Variants in DIS3 observed in about 807,000 individuals in gnomAD.
The protein encoded by DIS3 is DIS3 exosome endoribonuclease and 3'-5' exoribonuclease, also known as exosome complex exonuclease RRP44.
A neutral mutation model predicts 113.0 loss-of-function variants in DIS3; 103 were observed. The observed-to-expected ratio is 0.91, with a 90% CI of 0.78 to 1.07. The LOEUF (loss-of-function observed/expected upper bound fraction) is 1.07, where lower values mean the gene tolerates loss of function less well. DIS3 is among the 50% of genes least tolerant of loss of function. The pLI is 0.00. For missense variants in DIS3, 1,121 were observed against 1,167.1 expected (o/e 0.96, Z 0.58); for synonymous variants, 402 against 394.3 (o/e 1.02, Z -0.23).
chr13:72,753,543 A>G lies in DIS3; in HGVS notation c.*6252T>C, dbSNP rs919956628. 3 of 767,242 alleles carry G rather than the reference A, an allele frequency of 3.9e-6. No homozygotes were observed. Among genetic ancestry groups the G allele is most frequent in the African/African-American group, 3.5e-5 (2 of 56,862 alleles). The allele number at this position is 767,242 out of a possible 1,614,324, so 47.5% of individuals were successfully genotyped here. ...GCAGGACTACCTTTTATATTTGTGCATTACTTTTGAATTTTGTTCAACATG... is the reference window on the plus strand; with the variant it reads ...GCAGGACTACCTTTTATATTTGTGCGTTACTTTTGAATTTTGTTCAACATG... On this transcript the variant is annotated 3_prime_UTR_variant, in exon 21 of 21. Coordinates refer to ENST00000377767, the MANE Select transcript of DIS3 (RefSeq NM_014953.5).
At chr13:72,768,249 G>A (rs547785590) in intron 14 of DIS3, among the ~76,000 whole-genome samples, 1 of 152,182 alleles carries the variant, frequency 6.6e-6, no homozygotes, top group East Asian at 1.9e-4. Context: ...TGCCTTCCTG[G>A]AATTTCTTCA....
intron 6 of DIS3, among the ~76,000 whole-genome samples, chr13:72,774,742 T>A (rs1347020735): frequency 1.3e-5 from 2 of 152,154 alleles, no homozygotes; most frequent in African/African-American, 4.8e-5. Context: ...GCGCATATCA[T>A]AAGAAATAAC....
chr13:72,772,656 T>A (rs773981590), intron 9 of DIS3, 37 bp downstream of exon 9: 1 of 1,572,826 alleles, frequency 6.4e-7, no homozygotes, highest in Non-Finnish European at 8.6e-7. Context: ...CAGGATATAA[T>A]AATTTATAAA....
In DIS3 at chr13:72,770,919, A is replaced by T; in HGVS notation, c.1740T>A (p.Ser580Arg). 1 of 1,603,910 alleles carries T rather than the reference A, an allele frequency of 6.2e-7. No homozygotes were observed. The highest frequency in any genetic ancestry group is 8.5e-7 in the Non-Finnish European group (1 of 1,174,618). Reference protein sequence around the residue: ...AEILKTKFTKSVINSKASLTY... With the variant: ...AEILKTKFTKRVINSKASLTY... ...TGAAACGAACCTTTGAATTAATAAC[A>T]CTTTTGGTAAACTTCGTTTTTAAGA... The change falls in exon 13 of 21, where the codon AGT becomes AGA. Residue 580 changes from serine to arginine, a missense_variant. This residue lies in a region of DIS3 where 861 missense variants were observed against 915.5 expected (regional missense o/e 0.94). Transcript: ENST00000377767.
At chr13:72,761,861 G>T in intron 17 of DIS3, 47 bp from the exon 18 acceptor site, 1 of 1,611,700 alleles carries the variant, frequency 6.2e-7, no homozygotes, top group South Asian at 1.1e-5. Context: ...GTACTAATAT[G>T]TGCTTTTAAA....
chr13:72,780,931 G>T lies in DIS3; in HGVS notation c.301C>A (p.Arg101Ser). The change falls in exon 2 of 21, where the codon CGC (arginine) becomes AGC (serine). Residue 101 changes from arginine (R) to serine (S), a missense_variant. Physicochemically the swap from Arg to Ser is moderately radical, Grantham distance 110. Around this residue, in one of 3 missense-constraint regions of DIS3, gnomAD observed 254 missense variants for 232.2 expected, o/e 1.09. Coordinates refer to ENST00000377767, the MANE Select transcript of DIS3 (RefSeq NM_014953.5). ...LQTVLQEVRN[R>S]SAPVYKRIRD... Reference sequence around the variant, plus strand: ...ATGCGTTTATATACGGGGGCACTGCGATTTCTCACTTCTTGAAGAACTGTT... The same window carrying T: ...ATGCGTTTATATACGGGGGCACTGCTATTTCTCACTTCTTGAAGAACTGTT... 2 of 1,613,130 alleles carry T rather than the reference G, an allele frequency of 1.2e-6. No individual in the cohort carries two copies. Among genetic ancestry groups the T allele is most frequent in the Non-Finnish European group, 1.7e-6 (2 of 1,179,792 alleles).
rs1566249623 is a variant in DIS3 at position 72,775,297 on chromosome 13, G to C, written c.901C>G (p.Gln301Glu). The C allele has an allele frequency of 6.2e-7, 1 of 1,613,680 alleles. No homozygotes were observed. The change falls in exon 6 of 21, where the codon CAG becomes GAG. Residue 301 changes from glutamine to glutamate, a missense_variant. Coordinates refer to ENST00000377767, the MANE Select transcript of DIS3 (RefSeq NM_014953.5). ...ACCACAGAAGATGGTGCTACCCACT[G>C]ACTCTTGGGGAGAAGCTCCACAGCC... ...IVAVELLPKS[Q>E]WVAPSSVVLH...
intron 14 of DIS3, 31 bp from the exon 15 acceptor site, chr13:72,766,089 T>G (rs745744860): frequency 6.5e-7 from 1 of 1,531,842 alleles, no homozygotes; most frequent in Non-Finnish European, 8.8e-7. Flanking sequence ...AAAATTATAG[T>G]CAAGCAAGCC....
chr13:72,781,838 C>T lies in DIS3; in HGVS notation c.-6G>A. On this transcript the variant is annotated 5_prime_UTR_variant, in exon 1 of 21. Transcript: ENST00000377767. ...AACGTCTTGGACTTGAGCATCTTGC[C>T]TCGCCGCGCAGAATCCTAACCCCAG... is the stretch of plus-strand genomic sequence containing the variant. 6.4e-7 allele frequency: 1 copy of T among 1,572,964 alleles called. No individual in the cohort carries two copies. Among genetic ancestry groups the T allele is most frequent in the Non-Finnish European group, 8.7e-7 (1 of 1,155,978 alleles).
In DIS3 at chr13:72,773,688, G is replaced by A. The variant is rs778582751; in HGVS notation, c.1235C>T (p.Pro412Leu). ...AAATTAATACTTTAAGCTTACATTT[G>A]GATATCTGGAATTTCTGGGCCAACC... Reference protein sequence around the residue: ...IDGWPRNSRYPNGHFVRNLGD... With the variant: ...IDGWPRNSRYLNGHFVRNLGD... The change falls in exon 8 of 21, where the codon CCA becomes CTA. Residue 412 changes from proline (P) to leucine (L), a missense_variant. Coordinates refer to ENST00000377767, the MANE Select transcript of DIS3 (RefSeq NM_014953.5). 1 of 1,608,754 alleles carries A rather than the reference G, an allele frequency of 6.2e-7. No homozygotes were observed. The highest frequency in any genetic ancestry group is 1.1e-5 in the South Asian group (1 of 89,038).
chr13:72,768,345 C>T (rs1470834209), intron 14 of DIS3, among the ~76,000 whole-genome samples: 1 of 152,052 alleles, frequency 6.6e-6, no homozygotes, highest in Non-Finnish European at 1.5e-5. Context: ...AATCAAGTTG[C>T]TAACATTTAA....
rs775953657 is a variant in DIS3 at position 72,761,728 on chromosome 13, A to C, written c.2429T>G (p.Leu810Arg). 6.2e-6 allele frequency: 10 copies of C among 1,613,978 alleles called. No homozygotes were observed. Among genetic ancestry groups the C allele is most frequent in the Non-Finnish European group, 8.5e-6 (10 of 1,179,984 alleles). ...TYPELTDKHK[L>R]ADICKNLNFR... ...ATTTAGATTTTTACATATATCTGCA[A>C]GCTTGTGTTTGTCTGTCAACTCTGG... is the stretch of plus-strand genomic sequence containing the variant. The change falls in exon 18 of 21, where the codon CTT (leucine) becomes CGT (arginine). Residue 810 changes from leucine (L) to arginine (R), a missense_variant. Transcript: ENST00000377767.
chr13:72,755,066 T>C lies in DIS3; in HGVS notation c.*4729A>G. ...AGAGTTCAGCTAAAGAAACGTGCTT[T>C]TAGGTTTTAAAAACAGTCCCGATAA... On this transcript the variant is annotated 3_prime_UTR_variant, in exon 21 of 21. Transcript: ENST00000377767. The C allele has an allele frequency of 8.8e-7, 1 of 1,130,220 alleles. No homozygotes were observed. 70.0% of individuals were successfully genotyped at this position (1,130,220 alleles called of 1,614,324 possible). A position where few individuals can be genotyped will look rare whatever the true frequency, so the allele number is the denominator to read the frequency against.
chr13:72,766,286 T>C (rs910797622), intron 14 of DIS3, among the ~76,000 whole-genome samples: 4 of 152,158 alleles, frequency 2.6e-5, no homozygotes, highest in East Asian at 1.9e-4. Flanking sequence ...GAGAGGACGA[T>C]AGCAACACAA....
Position 72,754,974 on chromosome 13 carries a change from A to C in DIS3, c.*4821T>G. ...TGCGATCCTCCCACCTTGGCCTCTC[A>C]AAGTGTTGGGATGCTTTTTGATGCA... On this transcript the variant is annotated 3_prime_UTR_variant, in exon 21 of 21. Coordinates refer to ENST00000377767, the MANE Select transcript of DIS3 (RefSeq NM_014953.5). The C allele has an allele frequency of 1.8e-6, 1 of 552,312 alleles. No individual in the cohort carries two copies. The highest frequency in any genetic ancestry group is 3.2e-6 in the Non-Finnish European group (1 of 313,870). The allele number at this position is 552,312 out of a possible 1,614,324, so 34.2% of individuals were successfully genotyped here. A position where few individuals can be genotyped will look rare whatever the true frequency, so the allele number is the denominator to read the frequency against.
intron 13 of DIS3, among the ~76,000 whole-genome samples, chr13:72,769,568 T>C (rs1226634936): frequency 6.6e-6 from 1 of 151,568 alleles, no homozygotes; most frequent in African/African-American, 2.4e-5. Context: ...CAGAGTTAGA[T>C]AACGCAGGTC....
intron 15 of DIS3, among the ~76,000 whole-genome samples, chr13:72,765,244 G>C (rs1355734010): frequency 1.3e-5 from 2 of 152,100 alleles, no homozygotes; most frequent in East Asian, 3.9e-4. Flanking sequence ...GCAATTTACA[G>C]ACAAATAAAT....
In DIS3 at chr13:72,763,500, G is replaced by A. The variant is rs2033676214; in HGVS notation, c.2078C>T (p.Ala693Val). Residue 693 changes from alanine to valine, a missense_variant, in exon 16 of 21, where the codon GCT becomes GTT. This residue lies in a region of DIS3 where 861 missense variants were observed against 915.5 expected (regional missense o/e 0.94). Transcript: ENST00000377767. ...SEHALLRKHP[A>V]PPPSNYEILV... ...AATTTCATAATTTGATGGAGGTGGA[G>A]CAGGATGTTTTCGAAGCAGAGCATG... 2.5e-6 allele frequency: 4 copies of A among 1,613,982 alleles called. No homozygotes were observed. Among genetic ancestry groups the A allele is most frequent in the Non-Finnish European group, 3.4e-6 (4 of 1,179,980 alleles).
chr13:72,764,177 A>C (rs2033696609), intron 15 of DIS3, among the ~76,000 whole-genome samples: 1 of 152,108 alleles, frequency 6.6e-6, no homozygotes, highest in Non-Finnish European at 1.5e-5. Context: ...AATTGCACTC[A>C]AAAACAGAAG....
Sources: gnomAD v4.1 joint callset for allele counts (sites outside exome capture counted in the v4.1 genomes callset) on GRCh38, gnomAD v4.1.1 for gene constraint, gnomAD v4.1.1 regional missense constraint, MANE v1.5 for transcripts, NCBI Gene and HGNC (gene_info 2026-07-23, HGNC 2026-07-21) for gene names.